Variants in FAM234A observed in about 807,000 individuals in gnomAD.
FAM234A encodes the protein protein FAM234A.
FAM234A carries 42 observed loss-of-function variants against 49.1 expected under a neutral mutation model. The ratio of observed to expected loss-of-function variants is 0.86; its 90% CI spans 0.67 to 1.11. The LOEUF (loss-of-function observed/expected upper bound fraction) is 1.11, where lower values mean the gene tolerates loss of function less well. Ranked by LOEUF, FAM234A falls within the 50% of genes least tolerant of loss-of-function variation. The probability of loss-of-function intolerance (pLI) is 0.00; values close to 1 mark genes in which losing one functional copy is unlikely to be tolerated. For synonymous variants in FAM234A, 369 were observed against 316.2 expected (o/e 1.17, Z -1.77); for missense variants, 815 against 745.2 (o/e 1.09, Z -1.09).
In FAM234A at chr16:251,475, T is replaced by A. The variant is rs2141256695; in HGVS notation, c.-34+1821T>A. ...CTGCAGCCTCCACCCCCCTGGGCTCTAGTGATCTTCCTACCCCAGCCTCCG... is the reference window on the plus strand; with the variant it reads ...CTGCAGCCTCCACCCCCCTGGGCTCAAGTGATCTTCCTACCCCAGCCTCCG... On this transcript the variant is annotated intron_variant, in intron 2 of 12. Transcript: ENST00000399932. Among the ~76,000 whole-genome samples the A allele has an allele frequency of 1.3e-5, 2 of 151,958 alleles. 1 individual carries two copies. The highest frequency in any genetic ancestry group is 2.9e-5 in the Non-Finnish European group (2 of 67,944).
At chr16:236,162 G>T (rs2050393160) in intron 1 of FAM234A, among the ~76,000 whole-genome samples, 1 of 149,750 alleles carries the variant, frequency 6.7e-6, no homozygotes, top group East Asian at 2.1e-4. Flanking sequence ...CACCATGTTG[G>T]CCAGGCCAGT....
At chr16:251,579 C>T (rs2141257488) in intron 2 of FAM234A, among the ~76,000 whole-genome samples, 1 of 150,538 alleles carries the variant, frequency 6.6e-6, no homozygotes, top group East Asian at 2.0e-4. Flanking sequence ...AGTCTCGCCA[C>T]ATTGCCCAGG....
At chr16:237,531 C>G (rs1029122590) in intron 1 of FAM234A, among the ~76,000 whole-genome samples, 2 of 152,000 alleles carry the variant, frequency 1.3e-5, no homozygotes, top group African/African-American at 2.4e-5. Flanking sequence ...AGATGGCTCA[C>G]TCACAAGGCT....
chr16:245,377 T>A (rs1206385921), intron 1 of FAM234A, among the ~76,000 whole-genome samples: 3 of 152,148 alleles, frequency 2.0e-5, no homozygotes, highest in Admixed American at 1.3e-4. Context: ...TTAACTTTTG[T>A]TAATGTCATT....
downstream of FAM234A, chr16:268,165 T>A (rs370738226): frequency 0.01 from 1,703 of 162,456 alleles, 29 homozygotes; most frequent in African/African-American, 0.041. Flanking sequence ...TCAGTACACC[T>A]GCACACGTGC....
At chr16:251,565 A>T (rs2051008051) in intron 2 of FAM234A, among the ~76,000 whole-genome samples, 1 of 151,264 alleles carries the variant, frequency 6.6e-6, no homozygotes, top group Admixed American at 6.6e-5. Context: ...TTTAGTAGAG[A>T]CAGAGTCTCG....
At chr16:267,406 G>C (rs75543262), downstream of FAM234A, among the ~76,000 whole-genome samples, 2 of 151,984 alleles carry the variant, frequency 1.3e-5, no homozygotes, top group Non-Finnish European at 2.9e-5. Flanking sequence ...CCTGGGACCT[G>C]CCCCCTCCCT....
intron 3 of FAM234A, 100 bp downstream of exon 3, chr16:254,781 T>C: frequency 8.0e-7 from 1 of 1,256,444 alleles, no homozygotes; most frequent in African/African-American, 1.5e-5. Context: ...GAAGTGGCCT[T>C]TAAACAGTGA....
At chr16:267,915 TACACCTGC>T (rs2051743880), downstream of FAM234A, among the ~76,000 whole-genome samples, 2 of 141,528 alleles carry the variant, frequency 1.4e-5, no homozygotes, top group African/African-American at 5.3e-5. Context: ...TGCCTCACAG[TACACCTGC>T]ACACGTGCAC....
At chr16:246,036 C>G (rs988173651) in intron 1 of FAM234A, among the ~76,000 whole-genome samples, 3 of 151,782 alleles carry the variant, frequency 2.0e-5, no homozygotes, top group Non-Finnish European at 2.9e-5. Context: ...GAAACCGTCT[C>G]TACTAAAAAT....
intron 1 of FAM234A, among the ~76,000 whole-genome samples, chr16:235,353 C>A (rs1567202996): frequency 1.3e-5 from 2 of 152,162 alleles, no homozygotes; most frequent in Admixed American, 6.6e-5. Context: ...GCTTGTCCGT[C>A]CGGCACCCCG....
intron 11 of FAM234A, among the ~76,000 whole-genome samples, 192 bp from the exon 12 acceptor site, chr16:264,422 G>A (rs2051610808): frequency 6.6e-6 from 1 of 152,238 alleles, no homozygotes; most frequent in Non-Finnish European, 1.5e-5. Context: ...GTGGCTGCCG[G>A]CAAGGACCAG....
intron 1 of FAM234A, chr16:240,263 T>C (rs1228144420): frequency 6.6e-6 from 1 of 152,204 alleles, no homozygotes; most frequent in Non-Finnish European, 1.5e-5. Flanking sequence ...TGTCGGAAAA[T>C]TCAGATCTTG....
chr16:257,274 T>C (rs966383839), intron 3 of FAM234A, among the ~76,000 whole-genome samples: 1 of 145,952 alleles, frequency 6.9e-6, no homozygotes, highest in African/African-American at 2.6e-5. Flanking sequence ...GAGACAGTCT[T>C]GCTCTGTCAT....
chr16:251,679 GTTTT>G (rs1172222528), intron 2 of FAM234A, among the ~76,000 whole-genome samples: 2 of 91,146 alleles, frequency 2.2e-5, no homozygotes, highest in Non-Finnish European at 4.0e-5. Flanking sequence ...GCCTAGCCAG[GTTTT>G]TTTTTTTTTT....
chr16:235,243 C>G (rs1164496332), intron 1 of FAM234A, among the ~76,000 whole-genome samples: 2 of 152,194 alleles, frequency 1.3e-5, no homozygotes, highest in Non-Finnish European at 2.9e-5. Flanking sequence ...CTTGGTGCCG[C>G]CTGGGTTGCC....
chr16:264,499 G>A lies in FAM234A; in HGVS notation c.1345-115G>A, dbSNP rs1454424482. Reference sequence around the variant, plus strand: ...CAGAACTGGGGGCTGGCATTTGGGGGACCCAGATAGGGCCCCTAGCAGACA... The same window carrying A: ...CAGAACTGGGGGCTGGCATTTGGGGAACCCAGATAGGGCCCCTAGCAGACA... On this transcript the variant is annotated intron_variant, in intron 11 of 12. Transcript: ENST00000399932. 8 of 815,394 alleles carry A rather than the reference G, an allele frequency of 9.8e-6. No homozygotes were observed. The East Asian group carries it at 1.9e-4, about 19-fold the overall frequency. 50.5% of individuals were successfully genotyped at this position (815,394 alleles called of 1,614,324 possible). A position where few individuals can be genotyped will look rare whatever the true frequency, so the allele number is the denominator to read the frequency against.
At chr16:253,218 G>A (rs1176123119) in intron 2 of FAM234A, among the ~76,000 whole-genome samples, 2 of 152,108 alleles carry the variant, frequency 1.3e-5, no homozygotes, top group Non-Finnish European at 2.9e-5. Flanking sequence ...ATCCACCCCC[G>A]GTCCGGCCAG....
intron 9 of FAM234A, 143 bp from the exon 10 acceptor site, chr16:263,557 G>T (rs1432011445): frequency 2.3e-6 from 3 of 1,292,560 alleles, no homozygotes; most frequent in South Asian, 1.3e-5. Context: ...CTTGCCCCTT[G>T]CCCCAGACGT....
Sources: gnomAD v4.1 joint callset for allele counts (sites outside exome capture counted in the v4.1 genomes callset) on GRCh38, gnomAD v4.1.1 for gene constraint, MANE v1.5 for transcripts, NCBI Gene and HGNC (gene_info 2026-07-23, HGNC 2026-07-21) for gene names.